FGFRL1: variants seen among roughly 807,000 people sequenced by gnomAD.
FGFRL1 encodes fibroblast growth factor receptor like 1, also known as fibroblast growth factor receptor-like 1.
A neutral mutation model predicts 36.8 loss-of-function variants in FGFRL1; 24 were observed. The ratio of observed to expected loss-of-function variants is 0.65; its 90% CI spans 0.47 to 0.92. FGFRL1 has a LOEUF of 0.92. FGFRL1 is among the 40% of genes least tolerant of loss of function. The probability of loss-of-function intolerance (pLI) is 0.00; values close to 1 mark genes in which losing one functional copy is unlikely to be tolerated. For synonymous variants in FGFRL1, 422 were observed against 344.1 expected (o/e 1.23, Z -2.50); for missense variants, 785 against 753.4 (o/e 1.04, Z -0.49).
At chr4:1,012,864 C>T (rs1715677392) in intron 2 of FGFRL1, among the ~76,000 whole-genome samples, 1 of 152,270 alleles carries the variant, frequency 6.6e-6, no homozygotes, top group Non-Finnish European at 1.5e-5. Context: ...ATACTCGTAC[C>T]TGCAGTCCAG....
At chr4:1,012,372 G>C in intron 1 of FGFRL1, 98 bp from the exon 2 acceptor site, 1 of 1,420,252 alleles carries the variant, frequency 7.0e-7, no homozygotes, top group Non-Finnish European at 9.5e-7. Context: ...AGGGCCTGTG[G>C]GGAGGGCGGC....
At position 1,023,911 on chromosome 4, in the gene FGFRL1, G is replaced by T. The variant is rs1716342457; in HGVS notation, c.528G>T (p.Gly176=). The change falls in exon 5 of 7, where the codon GGG becomes GGT. Residue 176 remains glycine (G), a synonymous_variant. Transcript: ENST00000510644. The surrounding 1 kb of genome is among the most constrained non-coding windows in gnomAD (Gnocchi z 6.0). Reference sequence around the variant, plus strand: ...TGCGGCTCAAGTGCGTGGCCAGCGGGCACCCTCGGCCCGACATCACGTGGA... The same window carrying T: ...TGCGGCTCAAGTGCGTGGCCAGCGGTCACCCTCGGCCCGACATCACGTGGA... ...SSVRLKCVAS[G]HPRPDITWMK... The T allele has an allele frequency of 6.3e-7, 1 of 1,578,834 alleles. No individual in the cohort carries two copies. The highest frequency in any genetic ancestry group is 1.1e-5 in the South Asian group (1 of 87,268).
At chr4:1,024,781 T>C (rs533311379) in intron 6 of FGFRL1, 117 bp downstream of exon 6, 20 of 1,385,220 alleles carry the variant, frequency 1.4e-5, no homozygotes, top group Middle Eastern at 2.3e-4. Context: ...GCTGGCCAGG[T>C]CATCTGCCGA....
At position 1,024,334 on chromosome 4, in the gene FGFRL1, C is replaced by T. The variant is rs1466236583; in HGVS notation, c.742C>T (p.Leu248Phe). 5.0e-6 allele frequency: 8 copies of T among 1,606,832 alleles called. No individual in the cohort carries two copies. In the East Asian group the frequency reaches 1.1e-4, roughly 22 times the overall value. ...AGAGCGGACCCGTTCCAAGCCCGTGCTCACAGGCACGCACCCCGTGAACAC... is the reference window on the plus strand; with the variant it reads ...AGAGCGGACCCGTTCCAAGCCCGTGTTCACAGGCACGCACCCCGTGAACAC... ...VIQRTRSKPV[L>F]TGTHPVNTTV... The change falls in exon 6 of 7, where the codon CTC becomes TTC. Residue 248 changes from leucine (L) to phenylalanine (F), a missense_variant. Physicochemically the swap from Leu to Phe is conservative, Grantham distance 22. Transcript: ENST00000510644.
Position 1,026,083 on chromosome 4 carries a change from G to A in FGFRL1, c.*736G>A, listed in dbSNP as rs562331083. ...ATGCTGTCCGGACACACACACGCAC[G>A]CAGATATGCTGCCTGGACACACACA... is the stretch of plus-strand genomic sequence containing the variant. On this transcript the variant is annotated 3_prime_UTR_variant, in exon 7 of 7. Coordinates refer to ENST00000510644, the MANE Select transcript of FGFRL1 (RefSeq NM_001004356.3). 2.3e-4 allele frequency: 35 copies of A among 150,588 alleles called. No individual in the cohort carries two copies. Among genetic ancestry groups the A allele is most frequent in the African/African-American group, 6.9e-4 (27 of 39,416 alleles). 9.3% of individuals were successfully genotyped at this position (150,588 alleles called of 1,614,324 possible).
chr4:1,023,843 A>C lies in FGFRL1; in HGVS notation c.460A>C (p.Lys154Gln). 1 of 1,582,222 alleles carries C rather than the reference A, an allele frequency of 6.3e-7. No homozygotes were observed. The highest frequency in any genetic ancestry group is 8.6e-7 in the Non-Finnish European group (1 of 1,165,342). Reference protein sequence around the residue: ...WARPRFTQPSKMRRRVIARPV... With the variant: ...WARPRFTQPSQMRRRVIARPV... ...ACGACCGCGCTTCACACAGCCCTCC[A>C]AGATGAGGCGCCGGGTGATCGCACG... Residue 154 changes from lysine to glutamine, a missense_variant, in exon 5 of 7, where the codon AAG becomes CAG. Coordinates refer to ENST00000510644, the MANE Select transcript of FGFRL1 (RefSeq NM_001004356.3). The surrounding 1 kb of genome is among the most constrained non-coding windows in gnomAD (Gnocchi z 6.0).
Position 1,025,601 on chromosome 4 carries a change from A to G in FGFRL1, c.*254A>G. Reference sequence around the variant, plus strand: ...CACGTACGCACACACGCACATGCACAGATATGCCGCCTGGGCACACAGATA... The same window carrying G: ...CACGTACGCACACACGCACATGCACGGATATGCCGCCTGGGCACACAGATA... On this transcript the variant is annotated 3_prime_UTR_variant, in exon 7 of 7. Transcript: ENST00000510644. The G allele has an allele frequency of 1.8e-6, 1 of 562,926 alleles. No homozygotes were observed. Among genetic ancestry groups the G allele is most frequent in the South Asian group, 2.3e-5 (1 of 44,032 alleles). The allele number at this position is 562,926 out of a possible 1,614,324, so 34.9% of individuals were successfully genotyped here. A position where few individuals can be genotyped will look rare whatever the true frequency, so the allele number is the denominator to read the frequency against.
Position 1,023,993 on chromosome 4 carries a change from T to G in FGFRL1, c.610T>G (p.Trp204Gly), listed in dbSNP as rs769826602. 1.2e-6 allele frequency: 2 copies of G among 1,606,130 alleles called. No homozygotes were observed. The highest frequency in any genetic ancestry group is 1.7e-6 in the Non-Finnish European group (2 of 1,178,038). ...GGCCGCTGAGCCCAGGAAGAAGAAG[T>G]GGACACTGAGCCTGAAGAACCTGCG... ...PEAAEPRKKK[W>G]TLSLKNLRPE... Residue 204 changes from tryptophan (W) to glycine (G), a missense_variant, in exon 5 of 7, where the codon TGG becomes GGG. Coordinates refer to ENST00000510644, the MANE Select transcript of FGFRL1 (RefSeq NM_001004356.3). The surrounding 1 kb of genome is among the most constrained non-coding windows in gnomAD (Gnocchi z 6.0).
chr4:1,022,556 C>T (rs1411357256), intron 3 of FGFRL1, 81 bp downstream of exon 3: 4 of 1,476,806 alleles, frequency 2.7e-6, no homozygotes, highest in Non-Finnish European at 3.6e-6. Context: ...GGGGACACAC[C>T]TGGGGCCCGA....
intron 2 of FGFRL1, among the ~76,000 whole-genome samples, chr4:1,016,556 C>T (rs1336739716): frequency 4.6e-5 from 7 of 152,066 alleles, no homozygotes; most frequent in South Asian, 2.1e-4. Context: ...AAGGTTCCCC[C>T]GAATGCTTCC....
At chr4:1,017,545 C>G (rs1715954529) in intron 2 of FGFRL1, among the ~76,000 whole-genome samples, 1 of 152,230 alleles carries the variant, frequency 6.6e-6, no homozygotes, top group Non-Finnish European at 1.5e-5. Flanking sequence ...CCCGTCCGAC[C>G]TGGGCAGGTG....
chr4:1,025,195 G>GC lies in FGFRL1; in HGVS notation c.1369dup (p.Gln457ProfsTer13). On this transcript the variant is annotated frameshift_variant, in exon 7 of 7. Transcript: ENST00000510644. LOFTEE classifies it high-confidence loss of function. ...GTGTGAGGAGCATGGGTCTCCGGCA[G>GC]CCCCCCAGCACTTACTGGGCCCAGG... 1 of 1,610,526 alleles carries GC rather than the reference G, an allele frequency of 6.2e-7. No homozygotes were observed. Among genetic ancestry groups the GC allele is most frequent in the Non-Finnish European group, 8.5e-7 (1 of 1,179,038 alleles).
upstream of FGFRL1, among the ~76,000 whole-genome samples, chr4:1,011,614 G>T (rs1715585426): frequency 7.5e-6 from 1 of 134,198 alleles, no homozygotes; most frequent in South Asian, 2.6e-4. Flanking sequence ...CGGGCTCGGC[G>T]CTCGCTCCGG....
In FGFRL1 at chr4:1,012,466, C is replaced by A; in HGVS notation, c.-16-4C>A. On this transcript the variant is annotated splice_region_variant and splice_polypyrimidine_tract_variant and intron_variant, in intron 1 of 6. Transcript: ENST00000510644. Reference sequence around the variant, plus strand: ...GTTAGTGACGGCGCCCCCAATGTCCCCAGGTCCGGACAGGCCGAGATGACG... The same window carrying A: ...GTTAGTGACGGCGCCCCCAATGTCCACAGGTCCGGACAGGCCGAGATGACG... 1 of 1,577,520 alleles carries A rather than the reference C, an allele frequency of 6.3e-7. No individual in the cohort carries two copies. Among genetic ancestry groups the A allele is most frequent in the Non-Finnish European group, 8.6e-7 (1 of 1,165,948 alleles).
chr4:1,015,241 T>G (rs1715827792), intron 2 of FGFRL1, among the ~76,000 whole-genome samples: 3 of 152,148 alleles, frequency 2.0e-5, no homozygotes, highest in African/African-American at 7.2e-5. Context: ...CCAGGCCTGG[T>G]GTGTCCAGGT....
Position 1,025,506 on chromosome 4 carries a change from C to T in FGFRL1, c.*159C>T. 2 of 799,052 alleles carry T rather than the reference C, an allele frequency of 2.5e-6. No homozygotes were observed. Among genetic ancestry groups the T allele is most frequent in the South Asian group, 3.7e-5 (2 of 54,458 alleles). 49.5% of individuals were successfully genotyped at this position (799,052 alleles called of 1,614,324 possible). On this transcript the variant is annotated 3_prime_UTR_variant, in exon 7 of 7. Coordinates refer to ENST00000510644, the MANE Select transcript of FGFRL1 (RefSeq NM_001004356.3). ...GTGAGGCATAGCCCCTGGACACACA[C>T]ACACAGACACACACACTGCCTGGAT...
rs565082475 is a variant in FGFRL1, at chr4:1,025,693, T to G, written c.*346T>G. The G allele has an allele frequency of 1.0e-5, 4 of 384,428 alleles. No individual in the cohort carries two copies. In the South Asian group the frequency reaches 1.3e-4, roughly 12 times the overall value. 23.8% of individuals were successfully genotyped at this position (384,428 alleles called of 1,614,324 possible). On this transcript the variant is annotated 3_prime_UTR_variant, in exon 7 of 7. Transcript: ENST00000510644. ...CATACAAGGACATGCTGCCTGAACA[T>G]ACACACGCACACCCATGCGCAGATG...
At position 1,023,312 on chromosome 4, in the gene FGFRL1, C is replaced by G. The variant is rs146456013; in HGVS notation, c.353-329C>G. ...GTCTCGTCTGTTCACCAGCCCTCGG[C>G]CCCTTGATGTAGGCTAGGGTTACTG... On this transcript the variant is annotated intron_variant, in intron 3 of 6. Transcript: ENST00000510644. The surrounding 1 kb of genome is among the most constrained non-coding windows in gnomAD (Gnocchi z 6.0). Among the ~76,000 whole-genome samples the G allele has an allele frequency of 1.3e-5, 2 of 152,102 alleles. No homozygotes were observed. The highest frequency in any genetic ancestry group is 1.3e-4 in the Admixed American group (2 of 15,286).
intron 6 of FGFRL1, 116 bp from the exon 7 acceptor site, chr4:1,024,789 C>A: frequency 7.1e-7 from 1 of 1,400,014 alleles, no homozygotes; most frequent in East Asian, 2.4e-5. Flanking sequence ...GGTCATCTGC[C>A]GAGGGAGGGC....
Sources: gnomAD v4.1 joint callset for allele counts (sites outside exome capture counted in the v4.1 genomes callset) on GRCh38, gnomAD v4.1.1 for gene constraint, Gnocchi (gnomAD v3.1) non-coding constraint, MANE v1.5 for transcripts, NCBI Gene and HGNC (gene_info 2026-07-23, HGNC 2026-07-21) for gene names.